The following CCDC181 variants were observed in gnomAD, a reference collection of about 807,000 sequenced individuals.
CCDC181 encodes the protein coiled-coil domain containing 181.
In CCDC181, 35 loss-of-function variants were observed where a neutral mutation model predicts 58.7. The observed-to-expected ratio is 0.60, with a 90% confidence interval of 0.46 to 0.79. CCDC181 has a LOEUF of 0.79. Among genes scored for constraint, CCDC181 ranks in the 30% least tolerant of loss-of-function variants. The pLI is 0.00. For synonymous variants in CCDC181, 183 were observed against 197.5 expected (o/e 0.93, Z 0.62); for missense variants, 517 against 583.9 (o/e 0.89, Z 1.18).
chr1:169,458,907 C>A (rs1657754918), intron 2 of CCDC181, among the ~76,000 whole-genome samples: 1 of 151,330 alleles, frequency 6.6e-6, no homozygotes, highest in East Asian at 1.9e-4. Context: ...GAGTAATAGT[C>A]CACCAAACGT....
At position 169,397,296 on chromosome 1, in the gene CCDC181, C is replaced by T. The variant is rs773572519; in HGVS notation, c.1311G>A (p.Lys437=). The T allele has an allele frequency of 1.2e-6, 2 of 1,611,170 alleles. No homozygotes were observed. The highest frequency in any genetic ancestry group is 1.7e-6 in the Non-Finnish European group (2 of 1,178,704). ...MKERQTEELR[K]QEECLFFLKG... Reference sequence around the variant, plus strand: ...TAAGGAAGAATAAACATTCCTCTTGCTTTCTTAGTTCTTCTGTCTGTCTTT... The same window carrying T: ...TAAGGAAGAATAAACATTCCTCTTGTTTTCTTAGTTCTTCTGTCTGTCTTT... Residue 437 remains lysine (K), a synonymous_variant, in exon 5 of 6, where the codon AAG becomes AAA. Coordinates refer to ENST00000367806, the MANE Select transcript of CCDC181 (RefSeq NM_001300969.2).
Position 169,424,880 on chromosome 1 carries a change from T to G in CCDC181, c.48A>C (p.Glu16Asp), listed in dbSNP as rs544824549. The change falls in exon 2 of 6, where the codon GAA (glutamate) becomes GAC (aspartate). Residue 16 changes from glutamate to aspartate, a missense_variant. Coordinates refer to ENST00000367806, the MANE Select transcript of CCDC181 (RefSeq NM_001300969.2). ...ACTCCAGGTCCTTTTCAAAGTCATCTTCGTATTCTTCACTTTTCTTTGAAT... is the reference window on the plus strand; with the variant it reads ...ACTCCAGGTCCTTTTCAAAGTCATCGTCGTATTCTTCACTTTTCTTTGAAT... ...DTDSKKSEEY[E>D]DDFEKDLEWL... The G allele has an allele frequency of 1.2e-6, 2 of 1,607,970 alleles. No individual in the cohort carries two copies. The highest frequency in any genetic ancestry group is 2.2e-5 in the South Asian group (2 of 90,706).
chr1:169,411,029 A>G (rs1655936037), intron 4 of CCDC181, among the ~76,000 whole-genome samples: 1 of 152,342 alleles, frequency 6.6e-6, no homozygotes. Flanking sequence ...AAAGCAAGAA[A>G]TAACTAAGAT....
At chr1:169,412,987 C>T (rs1007462073) in intron 4 of CCDC181, among the ~76,000 whole-genome samples, 1 of 152,178 alleles carries the variant, frequency 6.6e-6, no homozygotes, top group Non-Finnish European at 1.5e-5. Context: ...GACTAAAACA[C>T]CAACAGCAAT....
chr1:169,406,181 T>C (rs947658333), intron 4 of CCDC181, among the ~76,000 whole-genome samples: 1 of 152,246 alleles, frequency 6.6e-6, no homozygotes, highest in African/African-American at 2.4e-5. Context: ...AAATAGGAAC[T>C]CTTTTACAGT....
chr1:169,413,808 A>C (rs1329884544), intron 4 of CCDC181, among the ~76,000 whole-genome samples: 1 of 151,840 alleles, frequency 6.6e-6, no homozygotes, highest in Non-Finnish European at 1.5e-5. Flanking sequence ...TCATAAGTGG[A>C]AGTTGAACAA....
intron 3 of CCDC181, among the ~76,000 whole-genome samples, chr1:169,420,777 T>C (rs1333882643): frequency 1.3e-5 from 2 of 152,096 alleles, no homozygotes; most frequent in African/African-American, 2.4e-5. Context: ...AATTATAAGA[T>C]ACATAGAGTT....
At chr1:169,412,609 C>T (rs528571909) in intron 4 of CCDC181, among the ~76,000 whole-genome samples, 44 of 152,244 alleles carry the variant, frequency 2.9e-4, no homozygotes, top group African/African-American at 9.9e-4. Context: ...GCATCATGGA[C>T]CTGACTTCAA....
rs111868926 is a variant in CCDC181 at position 169,457,596 on chromosome 1, G to A, written c.-24+2201C>T. Among the ~76,000 whole-genome samples, 316 of 152,056 alleles carry A rather than the reference G, an allele frequency of 2.1e-3. 2 individuals carry two copies. The highest frequency in any genetic ancestry group is 7.2e-3 in the African/African-American group (299 of 41,498). ...AGTATATCATTTCACTTAAAGATGCGGTTTCTAAGAACCTATCCATGACAT... is the reference window on the plus strand; with the variant it reads ...AGTATATCATTTCACTTAAAGATGCAGTTTCTAAGAACCTATCCATGACAT... On this transcript the variant is annotated intron_variant, in intron 2 of 6. Coordinates refer to the CCDC181 transcript ENST00000545005.
intron 5 of CCDC181, chr1:169,396,149 A>T (rs1353947481): frequency 6.6e-6 from 1 of 152,224 alleles, no homozygotes; most frequent in Non-Finnish European, 1.5e-5. Flanking sequence ...GACAGTATGC[A>T]TACTGGTGTT....
chr1:169,397,552 C>A (rs774585559), intron 4 of CCDC181, among the ~76,000 whole-genome samples, 161 bp from the exon 5 acceptor site: 1 of 152,142 alleles, frequency 6.6e-6, no homozygotes, highest in Admixed American at 6.5e-5. Context: ...AAATACATCA[C>A]GCTTAAGTTT....
Position 169,402,732 on chromosome 1 carries a change from G to A in CCDC181, c.1216-5341C>T, listed in dbSNP as rs563086468. ...AAAATGTAAAGACCATCAAGGCTAG[G>A]AAGAAACTGCATCAACTAACGAGCA... On this transcript the variant is annotated intron_variant, in intron 4 of 5. Transcript: ENST00000367806. 3.3e-5 allele frequency among the ~76,000 whole-genome samples: 5 copies of A among 152,264 alleles called. No homozygotes were observed. In the South Asian group the frequency reaches 1.0e-3, roughly 32 times the overall value.
intron 4 of CCDC181, among the ~76,000 whole-genome samples, chr1:169,415,032 A>G (rs1656150191): frequency 6.6e-6 from 1 of 152,228 alleles, no homozygotes; most frequent in Non-Finnish European, 1.5e-5. Context: ...TGTCTTCTAC[A>G]TAAAATTTTT....
intron 4 of CCDC181, among the ~76,000 whole-genome samples, chr1:169,411,402 T>A (rs1655955170): frequency 6.6e-6 from 1 of 152,142 alleles, no homozygotes; most frequent in African/African-American, 2.4e-5. Context: ...ATTAATAGCC[T>A]ACCAACCAAA....
chr1:169,448,247 T>C (rs7546347), intron 2 of CCDC181, among the ~76,000 whole-genome samples: 40,321 of 152,022 alleles, frequency 0.27, 6,705 homozygotes, highest in Non-Finnish European at 0.38. Flanking sequence ...AAAAATAAAA[T>C]ATTTTATCTT....
chr1:169,398,326 G>T (rs1334158474), intron 4 of CCDC181, among the ~76,000 whole-genome samples: 1 of 152,116 alleles, frequency 6.6e-6, no homozygotes, highest in African/African-American at 2.4e-5. Context: ...AATGACAAGT[G>T]TTTGAGGTAA....
chr1:169,408,812 A>C (rs993649320), intron 4 of CCDC181, among the ~76,000 whole-genome samples: 1 of 152,210 alleles, frequency 6.6e-6, no homozygotes, highest in African/African-American at 2.4e-5. Context: ...GTTAGAAGGA[A>C]AACTAACAAA....
At chr1:169,435,564 C>T (rs904940593) in intron 2 of CCDC181, among the ~76,000 whole-genome samples, 1 of 152,074 alleles carries the variant, frequency 6.6e-6, no homozygotes, top group African/African-American at 2.4e-5. Flanking sequence ...GCCAATTTCC[C>T]CATCAATAAC....
At chr1:169,440,742 C>A (rs2101747640) in intron 2 of CCDC181, among the ~76,000 whole-genome samples, 1 of 151,906 alleles carries the variant, frequency 6.6e-6, no homozygotes, top group Middle Eastern at 3.4e-3. Flanking sequence ...CATGGCAAAA[C>A]CCCATCTCTA....
Sources: gnomAD v4.1 joint callset for allele counts (sites outside exome capture counted in the v4.1 genomes callset) on GRCh38, gnomAD v4.1.1 for gene constraint, MANE v1.5 for transcripts, NCBI Gene and HGNC (gene_info 2026-07-23, HGNC 2026-07-21) for gene names.